SACM1L: variants seen among roughly 807,000 people sequenced by gnomAD.
SACM1L encodes the protein SAC1 like phosphatidylinositide phosphatase, also known as phosphatidylinositol-3-phosphatase SAC1.
A neutral mutation model predicts 89.5 loss-of-function variants in SACM1L; 32 were observed. The ratio of observed to expected loss-of-function variants is 0.36; its 90% CI spans 0.27 to 0.48. The LOEUF (loss-of-function observed/expected upper bound fraction) is 0.48. SACM1L is among the 20% of genes least tolerant of loss of function. The pLI is 0.99. For synonymous variants in SACM1L, 213 were observed against 232.8 expected (o/e 0.92, Z 0.77); for missense variants, 543 against 708.5 (o/e 0.77, Z 2.65).
At chr3:45,689,556 T>C in intron 1 of SACM1L, 59 bp downstream of exon 1, 2 of 1,533,564 alleles carry the variant, frequency 1.3e-6, no homozygotes, top group Non-Finnish European at 1.8e-6. Context: ...GTGCGGGCCC[T>C]GGCCTCGGGG....
chr3:45,732,743 T>C (rs1699103271), intron 13 of SACM1L, among the ~76,000 whole-genome samples: 1 of 152,224 alleles, frequency 6.6e-6, no homozygotes, highest in African/African-American at 2.4e-5. Flanking sequence ...TACTATATTA[T>C]CATATTGGTT....
rs1200783367 is a variant in SACM1L at position 45,732,152 on chromosome 3, G to A, written c.1100+1G>A. On this transcript the variant is annotated splice_donor_variant, in intron 13 of 19. Transcript: ENST00000389061. LOFTEE classifies it high-confidence loss of function. Reference sequence around the variant, plus strand: ...TAGCAGAAATGCAAGATGAATTAAGGTAAGCTATATTATTTCCTTAAGGAG... The same window carrying A: ...TAGCAGAAATGCAAGATGAATTAAGATAAGCTATATTATTTCCTTAAGGAG... The A allele has an allele frequency of 6.4e-7, 1 of 1,572,190 alleles. No homozygotes were observed. Among genetic ancestry groups the A allele is most frequent in the Non-Finnish European group, 8.7e-7 (1 of 1,149,848 alleles).
intron 1 of SACM1L, chr3:45,690,188 G>A (rs1473357835): frequency 6.6e-6 from 1 of 152,202 alleles, no homozygotes; most frequent in African/African-American, 2.4e-5. Context: ...GGCTGTGGTT[G>A]TTAAGAGTTA....
At chr3:45,706,207 G>A (rs2673043) in intron 3 of SACM1L, among the ~76,000 whole-genome samples, 6 of 152,124 alleles carry the variant, frequency 3.9e-5, no homozygotes, top group Admixed American at 2.0e-4. Flanking sequence ...GTATTTCTGG[G>A]GTGAGGAGGT....
Position 45,737,569 on chromosome 3 carries a change from G to A in SACM1L, c.1240-14G>A. The A allele has an allele frequency of 1.3e-6, 2 of 1,590,988 alleles. No individual in the cohort carries two copies. The highest frequency in any genetic ancestry group is 2.3e-5 in the South Asian group (2 of 85,918). On this transcript the variant is annotated splice_polypyrimidine_tract_variant and intron_variant, in intron 14 of 19. Transcript: ENST00000389061. ...TCTATTACACATAAATCTGGGTGTG[G>A]TTTTTTATTCCAGAGACTAGGAGTT...
intron 2 of SACM1L, among the ~76,000 whole-genome samples, chr3:45,704,812 G>A (rs998664061): frequency 1.3e-5 from 2 of 152,166 alleles, no homozygotes; most frequent in Admixed American, 6.5e-5. Context: ...ACTGATGAGC[G>A]ACTGACTTGC....
At chr3:45,728,265 G>C (rs1320138158) in intron 11 of SACM1L, among the ~76,000 whole-genome samples, 1 of 152,108 alleles carries the variant, frequency 6.6e-6, no homozygotes, top group Non-Finnish European at 1.5e-5. Context: ...TTACTGGAGA[G>C]TTAATCCATT....
intron 5 of SACM1L, 94 bp downstream of exon 5, chr3:45,709,741 C>T (rs1303292144): frequency 7.1e-6 from 8 of 1,130,480 alleles, no homozygotes; most frequent in Non-Finnish European, 9.9e-6. Context: ...TTTTCTCAGT[C>T]CTGGCTATCT....
At chr3:45,734,027 G>A (rs1315813508) in intron 13 of SACM1L, among the ~76,000 whole-genome samples, 1 of 152,156 alleles carries the variant, frequency 6.6e-6, no homozygotes, top group Non-Finnish European at 1.5e-5. Context: ...GGATGTTTAA[G>A]GGGAGGAAGG....
chr3:45,732,531 A>G (rs957746123), intron 13 of SACM1L, among the ~76,000 whole-genome samples: 1 of 152,122 alleles, frequency 6.6e-6, no homozygotes, highest in Non-Finnish European at 1.5e-5. Context: ...TGGCTTTTCT[A>G]TATTCTGTTT....
At chr3:45,717,431 A>G (rs1316276866) in intron 7 of SACM1L, among the ~76,000 whole-genome samples, 1 of 152,214 alleles carries the variant, frequency 6.6e-6, no homozygotes, top group East Asian at 1.9e-4. Flanking sequence ...CTAAAAAGAT[A>G]GGAGAATGGT....
At chr3:45,728,432 C>T (rs552499985) in intron 11 of SACM1L, among the ~76,000 whole-genome samples, 30 of 152,128 alleles carry the variant, frequency 2.0e-4, no homozygotes, top group South Asian at 8.3e-4. Flanking sequence ...ATTACCTTCT[C>T]ATTTTCGTTT....
At chr3:45,738,722 T>C (rs1699256360) in intron 17 of SACM1L, 51 bp downstream of exon 17, 1 of 1,518,592 alleles carries the variant, frequency 6.6e-7, no homozygotes, top group African/African-American at 1.4e-5. Context: ...TATCTTTGCA[T>C]TGTTCATCAC....
At chr3:45,731,272 G>C (rs765055474) in intron 11 of SACM1L, 29 bp from the exon 12 acceptor site, 1 of 1,490,650 alleles carries the variant, frequency 6.7e-7, no homozygotes, top group Non-Finnish European at 9.3e-7. Context: ...AAATAAACTG[G>C]AAACTATGGT....
chr3:45,741,149 C>T (rs1699304884), intron 19 of SACM1L, among the ~76,000 whole-genome samples: 1 of 152,188 alleles, frequency 6.6e-6, no homozygotes, highest in Non-Finnish European at 1.5e-5. Context: ...AGCCTTCATC[C>T]TCTATCCTGA....
intron 1 of SACM1L, among the ~76,000 whole-genome samples, chr3:45,695,997 C>CTTTTTTTTTT (rs56074379): frequency 7.4e-6 from 1 of 134,232 alleles, no homozygotes; most frequent in Non-Finnish European, 1.6e-5. Flanking sequence ...TCAGAATTTC[C>CTTTTTTTTTT]TTTTTTTTTT....
Position 45,738,657 on chromosome 3 carries a change from G to A in SACM1L, c.1462G>A (p.Asp488Asn). The change falls in exon 17 of 20, where the codon GAT (aspartate) becomes AAT (asparagine). Residue 488 changes from aspartate (D) to asparagine (N), a missense_variant. Asp to Asn is a conservative substitution (Grantham distance 23, BLOSUM62 1). Transcript: ENST00000389061. ...ACGATATTATAAGAACAACTTTTCC[G>A]ATGGATTTAGACAAGTAAGTTTGTA... ...MIRYYKNNFS[D>N]GFRQDSIDLF... 1.2e-6 allele frequency: 2 copies of A among 1,608,036 alleles called. No individual in the cohort carries two copies. The highest frequency in any genetic ancestry group is 1.7e-6 in the Non-Finnish European group (2 of 1,174,662).
intron 4 of SACM1L, among the ~76,000 whole-genome samples, chr3:45,708,827 G>A (rs995801689): frequency 2.0e-5 from 3 of 152,070 alleles, no homozygotes; most frequent in East Asian, 1.9e-4. Context: ...ATGATTAAAC[G>A]TTACCAAACA....
At chr3:45,726,889 T>A (rs1698933366) in intron 11 of SACM1L, among the ~76,000 whole-genome samples, 1 of 52,740 alleles carries the variant, frequency 1.9e-5, no homozygotes, top group Non-Finnish European at 4.4e-5. Context: ...TTTTTTTTTT[T>A]TTTTTTTGAG....
Sources: allele counts gnomAD v4.1 joint callset (sites outside exome capture counted in the v4.1 genomes callset), GRCh38; gene constraint gnomAD v4.1.1; transcripts MANE v1.5; gene names NCBI Gene and HGNC (gene_info 2026-07-23, HGNC 2026-07-21).